The following UNC13C variants were observed in gnomAD, a reference collection of about 807,000 sequenced individuals.
UNC13C encodes the protein unc-13 homolog C.
A neutral mutation model predicts 245.4 loss-of-function variants in UNC13C; 174 were observed. The observed-to-expected ratio is 0.71, with a 90% CI of 0.63 to 0.80. UNC13C has a LOEUF of 0.80. Among genes scored for constraint, UNC13C ranks in the 30% least tolerant of loss-of-function variants. UNC13C has a pLI of 0.00. For synonymous variants in UNC13C, 992 were observed against 895.1 expected, an observed-to-expected ratio of 1.11 and a Z score of -1.93; for missense variants, 2,829 against 2,602.9, an observed-to-expected ratio of 1.09 and a Z score of -1.89.
intron 7 of UNC13C, among the ~76,000 whole-genome samples, chr15:54,241,588 C>T (rs1482854381): frequency 6.6e-6 from 1 of 152,194 alleles, no homozygotes; most frequent in African/African-American, 2.4e-5. Context: ...ATATTCTTCA[C>T]CTTCCTGAGA....
At chr15:54,140,076 A>T (rs866429815) in intron 2 of UNC13C, among the ~76,000 whole-genome samples, 1 of 152,106 alleles carries the variant, frequency 6.6e-6, no homozygotes, top group Non-Finnish European at 1.5e-5. Flanking sequence ...AGCTGTTATA[A>T]ATTATTAATA....
intron 19 of UNC13C, among the ~76,000 whole-genome samples, chr15:54,441,626 G>A (rs1890529930): frequency 6.6e-6 from 1 of 151,994 alleles, no homozygotes; most frequent in African/African-American, 2.4e-5. Context: ...CAGATACTCT[G>A]ATATCTCCAG....
At chr15:54,495,248 T>C (rs1596475246) in intron 20 of UNC13C, among the ~76,000 whole-genome samples, 1 of 152,068 alleles carries the variant, frequency 6.6e-6, no homozygotes, top group African/African-American at 2.4e-5. Flanking sequence ...GAATTCTGTT[T>C]TATTCTATTG....
At chr15:54,347,136 C>A (rs535283625) in intron 17 of UNC13C, among the ~76,000 whole-genome samples, 1 of 152,132 alleles carries the variant, frequency 6.6e-6, no homozygotes, top group Admixed American at 6.5e-5. Flanking sequence ...AAAGAGACCC[C>A]CTAATTGTGG....
At chr15:54,082,239 A>G (rs2141119580) in intron 2 of UNC13C, among the ~76,000 whole-genome samples, 1 of 152,242 alleles carries the variant, frequency 6.6e-6, no homozygotes, top group African/African-American at 2.4e-5. Context: ...CCTGATGATC[A>G]TATATCTTGG....
At chr15:54,154,175 C>G (rs903460646) in intron 4 of UNC13C, among the ~76,000 whole-genome samples, 1 of 152,028 alleles carries the variant, frequency 6.6e-6, no homozygotes, top group African/African-American at 2.4e-5. Context: ...CTATTAACCT[C>G]TCTTCTTCCC....
At chr15:54,069,800 A>G (rs1335872585) in intron 2 of UNC13C, among the ~76,000 whole-genome samples, 2 of 152,242 alleles carry the variant, frequency 1.3e-5, no homozygotes, top group African/African-American at 4.8e-5. Context: ...TGCAGCAGTT[A>G]CTGGATCTGA....
intron 17 of UNC13C, among the ~76,000 whole-genome samples, chr15:54,370,093 G>A (rs1057473869): frequency 6.6e-6 from 1 of 152,054 alleles, no homozygotes; most frequent in Non-Finnish European, 1.5e-5. Context: ...CCAACGCTTG[G>A]CATTTCTGCA....
the UNC13C span, among the ~76,000 whole-genome samples, chr15:53,852,453 G>A: frequency 1.3e-5 from 2 of 152,050 alleles, no homozygotes; most frequent in Non-Finnish European, 2.9e-5. Flanking sequence ...TGACATCATG[G>A]GGTTTCTCCC....
chr15:54,513,460 G>T (rs1894839739), intron 24 of UNC13C, among the ~76,000 whole-genome samples: 1 of 152,138 alleles, frequency 6.6e-6, no homozygotes, highest in South Asian at 2.1e-4. Flanking sequence ...AAGGAAACTG[G>T]ATGGGCCAAG....
chr15:53,841,829 T>C, the UNC13C span, among the ~76,000 whole-genome samples: 2 of 152,166 alleles, frequency 1.3e-5, no homozygotes, highest in Non-Finnish European at 2.9e-5. Flanking sequence ...AGGACAAAAT[T>C]TGCCTCTTCT....
the UNC13C span, among the ~76,000 whole-genome samples, chr15:53,861,514 C>T: frequency 6.6e-6 from 1 of 152,004 alleles, no homozygotes; most frequent in Admixed American, 6.6e-5. Context: ...TGTTCTTAGT[C>T]AAAAGGCTGA....
chr15:54,582,416 T>C (rs1445985099), intron 30 of UNC13C, among the ~76,000 whole-genome samples: 1 of 152,154 alleles, frequency 6.6e-6, no homozygotes, highest in African/African-American at 2.4e-5. Context: ...ATATGAGATA[T>C]AGTTAAGAGA....
intron 22 of UNC13C, among the ~76,000 whole-genome samples, chr15:54,501,485 A>G (rs1336249404): frequency 6.6e-6 from 1 of 152,178 alleles, no homozygotes; most frequent in Admixed American, 6.6e-5. Flanking sequence ...AACCAAGTTC[A>G]TCTTAAGGCC....
At chr15:54,521,824 G>C (rs1895227128) in intron 24 of UNC13C, among the ~76,000 whole-genome samples, 1 of 152,248 alleles carries the variant, frequency 6.6e-6, no homozygotes, top group African/African-American at 2.4e-5. Context: ...AGATGAAGAT[G>C]ATATAGGACT....
chr15:53,855,805 T>C, the UNC13C span, among the ~76,000 whole-genome samples: 8 of 152,318 alleles, frequency 5.3e-5, no homozygotes, highest in Admixed American at 2.6e-4. Context: ...CCTGGCCTCA[T>C]AGAATGAGTT....
chr15:54,470,842 CT>C, intron 19 of UNC13C, among the ~76,000 whole-genome samples: 1 of 150,234 alleles, frequency 6.7e-6, no homozygotes, highest in South Asian at 2.1e-4. Flanking sequence ...CTTTTTTTTA[CT>C]TTTAGATCTT....
At chr15:54,534,276 G>T (rs1406749328) in intron 26 of UNC13C, among the ~76,000 whole-genome samples, 1 of 152,126 alleles carries the variant, frequency 6.6e-6, no homozygotes, top group African/African-American at 2.4e-5. Context: ...CCAGGCCCCA[G>T]GGTTAGGACA....
chr15:54,620,683 A>G (rs1900741976), intron 30 of UNC13C, among the ~76,000 whole-genome samples: 1 of 151,662 alleles, frequency 6.6e-6, no homozygotes, highest in African/African-American at 2.4e-5. Flanking sequence ...GTACTTGGGA[A>G]GCTGAGGTGG....
Sources: gnomAD v4.1 joint callset for allele counts (sites outside exome capture counted in the v4.1 genomes callset) on GRCh38, gnomAD v4.1.1 for gene constraint, MANE v1.5 for transcripts, NCBI Gene and HGNC (gene_info 2026-07-23, HGNC 2026-07-21) for gene names.